ZFHX3: variants seen among roughly 807,000 people sequenced by gnomAD.
The protein encoded by ZFHX3 is zinc finger homeobox 3.
Under a neutral mutation model 279.1 loss-of-function variants are expected in ZFHX3, and 42 were observed. The observed-to-expected ratio is 0.15, with a 90% CI of 0.12 to 0.19. The LOEUF (loss-of-function observed/expected upper bound fraction) is 0.19. ZFHX3 is among the 10% of genes least tolerant of loss of function. ZFHX3 has a pLI of 1.00. For synonymous variants in ZFHX3, 2,293 were observed against 1,957.8 expected (o/e 1.17, Z -4.52); for missense variants, 4,981 against 4,754.0 (o/e 1.05, Z -1.40).
chr16:73,775,314 C>T (rs1959221343), intron 1 of ZFHX3, among the ~76,000 whole-genome samples: 1 of 152,120 alleles, frequency 6.6e-6, no homozygotes, highest in Admixed American at 6.5e-5. Context: ...CTTAGTGAGG[C>T]CATCCTATTG....
chr16:73,849,455 T>A (rs1286890051), intron 1 of ZFHX3, among the ~76,000 whole-genome samples: 2 of 152,174 alleles, frequency 1.3e-5, no homozygotes, highest in Non-Finnish European at 1.5e-5. Flanking sequence ...TGATTTCTAT[T>A]TTTTCCTGTA....
chr16:73,272,138 C>T (rs367938565), intron 4 of ZFHX3, among the ~76,000 whole-genome samples: 13 of 152,244 alleles, frequency 8.5e-5, no homozygotes, highest in African/African-American at 2.4e-4. Context: ...TAGAGCTAAC[C>T]GTATTTATTT....
chr16:73,790,423 T>G (rs1959789231), intron 1 of ZFHX3, among the ~76,000 whole-genome samples: 1 of 152,262 alleles, frequency 6.6e-6, no homozygotes, highest in Admixed American at 6.5e-5. Flanking sequence ...TGTGCTTGTT[T>G]TTTATAAAAA....
At position 72,787,755 on chromosome 16, in the gene ZFHX3, G is replaced by A. The variant is rs766171556; in HGVS notation, c.10521C>T (p.Gly3507=). 4.2e-6 allele frequency: 6 copies of A among 1,422,744 alleles called. No individual in the cohort carries two copies. Among genetic ancestry groups the A allele is most frequent in the Non-Finnish European group, 5.5e-6 (6 of 1,086,414 alleles). The allele number at this position is 1,422,744 out of a possible 1,614,324, so 88.1% of individuals were successfully genotyped here. The part of the protein sequence containing the change: ...LQEMVLHVPT[G]GGGGGSGGGG... ...CGCCGCCACTGCCACCGCCGCCGCC[G>A]CCGGTGGGGACGTGAAGCACCATCT... The change falls in exon 10 of 10, where the codon GGC becomes GGT. Residue 3507 remains glycine, a synonymous_variant. Transcript: ENST00000268489.
chr16:73,736,803 A>G (rs1198883768), intron 1 of ZFHX3, among the ~76,000 whole-genome samples: 1 of 152,228 alleles, frequency 6.6e-6, no homozygotes, highest in Non-Finnish European at 1.5e-5. Context: ...ACAGTTGGCC[A>G]TCTTTAGCAG....
intron 2 of ZFHX3, among the ~76,000 whole-genome samples, chr16:72,955,861 A>C (rs758747884): frequency 6.6e-6 from 1 of 150,648 alleles, no homozygotes; most frequent in Non-Finnish European, 1.5e-5. Context: ...CACCTCCGTT[A>C]TGTTTGATTT....
chr16:73,105,399 A>G (rs1368353160), intron 7 of ZFHX3, among the ~76,000 whole-genome samples: 1 of 124,044 alleles, frequency 8.1e-6, no homozygotes, highest in Non-Finnish European at 1.6e-5. Context: ...ACACACATAT[A>G]TATATATATA....
At chr16:73,637,698 G>C (rs561327780) in intron 2 of ZFHX3, among the ~76,000 whole-genome samples, 1 of 151,878 alleles carries the variant, frequency 6.6e-6, no homozygotes, top group Non-Finnish European at 1.5e-5. Context: ...GAGATTTATA[G>C]ATTAGCCTAA....
In ZFHX3 at chr16:73,767,230, C is replaced by A. The variant is rs374760595; in HGVS notation, c.-1607-86990G>T. ...GGGATCGCAGGTGTGAGCCACTGCGCCCAGCCTTTGCCACTACTTTTAATG... is the reference window on the plus strand; with the variant it reads ...GGGATCGCAGGTGTGAGCCACTGCGACCAGCCTTTGCCACTACTTTTAATG... On this transcript the variant is annotated intron_variant, in intron 1 of 17. Coordinates refer to the ZFHX3 transcript ENST00000641206. Among the ~76,000 whole-genome samples the A allele has an allele frequency of 1.4e-3, 216 of 152,310 alleles. 2 individuals carry two copies. The highest frequency in any genetic ancestry group is 4.9e-3 in the African/African-American group (205 of 41,564).
At chr16:73,454,610 T>C (rs1158999600) in intron 3 of ZFHX3, among the ~76,000 whole-genome samples, 2 of 149,498 alleles carry the variant, frequency 1.3e-5, no homozygotes, top group Non-Finnish European at 3.0e-5. Context: ...CAGATCTCAA[T>C]TTCTTTATTT....
chr16:73,696,880 T>C (rs1432853169), intron 1 of ZFHX3, among the ~76,000 whole-genome samples: 3 of 152,176 alleles, frequency 2.0e-5, no homozygotes, highest in African/African-American at 7.2e-5. Context: ...AAATAAAGTG[T>C]TGATGAACTC....
chr16:73,309,572 G>T (rs1304561977), intron 4 of ZFHX3, among the ~76,000 whole-genome samples: 1 of 152,184 alleles, frequency 6.6e-6, no homozygotes, highest in Non-Finnish European at 1.5e-5. Context: ...AGCGACAGAT[G>T]AGAGTGGGGT....
At chr16:72,930,936 C>A (rs1308263159) in intron 3 of ZFHX3, among the ~76,000 whole-genome samples, 1 of 152,206 alleles carries the variant, frequency 6.6e-6, no homozygotes, top group Non-Finnish European at 1.5e-5. Context: ...AACTAACTCA[C>A]GTGAAATGAG....
chr16:73,526,331 A>T (rs1409280530), intron 2 of ZFHX3, among the ~76,000 whole-genome samples: 3 of 152,264 alleles, frequency 2.0e-5, no homozygotes, highest in Non-Finnish European at 4.4e-5. Flanking sequence ...GCAAGGCCTT[A>T]TATTAATTAG....
chr16:73,352,231 A>G (rs564154201), intron 3 of ZFHX3, among the ~76,000 whole-genome samples: 1 of 152,342 alleles, frequency 6.6e-6, no homozygotes, highest in African/African-American at 2.4e-5. Context: ...CCTGACACCC[A>G]GTGCACTGCA....
intron 5 of ZFHX3, among the ~76,000 whole-genome samples, chr16:73,202,930 C>A (rs1312511526): frequency 8.1e-6 from 1 of 122,774 alleles, no homozygotes; most frequent in Admixed American, 8.9e-5. Flanking sequence ...TTTTTTTTGC[C>A]TCCACGCCTT....
chr16:73,451,681 T>G (rs1397432627), intron 3 of ZFHX3, among the ~76,000 whole-genome samples: 2 of 152,166 alleles, frequency 1.3e-5, no homozygotes, highest in African/African-American at 4.8e-5. Flanking sequence ...TGAGTAAGAT[T>G]TTTGCCTCTT....
At chr16:73,224,066 C>A (rs1308692640) in intron 5 of ZFHX3, among the ~76,000 whole-genome samples, 1 of 152,094 alleles carries the variant, frequency 6.6e-6, no homozygotes, top group African/African-American at 2.4e-5. Context: ...ATTTTTAGGG[C>A]AGTGAAAGTA....
At chr16:73,185,058 G>T (rs1434179733) in intron 5 of ZFHX3, among the ~76,000 whole-genome samples, 1 of 151,434 alleles carries the variant, frequency 6.6e-6, no homozygotes, top group Non-Finnish European at 1.5e-5. Flanking sequence ...GCTCACTGCA[G>T]CCTTGACTTC....
Sources: allele counts gnomAD v4.1 joint callset (sites outside exome capture counted in the v4.1 genomes callset), GRCh38; gene constraint gnomAD v4.1.1; transcripts MANE v1.5; gene names NCBI Gene and HGNC (gene_info 2026-07-23, HGNC 2026-07-21).